The following PTH2R variants were observed in gnomAD, a reference collection of about 807,000 sequenced individuals.
PTH2R encodes parathyroid hormone 2 receptor, also known as PTH2 receptor.
A neutral mutation model predicts 60.3 loss-of-function variants in PTH2R; 59 were observed. The ratio of observed to expected loss-of-function variants is 0.98; its 90% CI spans 0.79 to 1.22. The LOEUF is 1.22. PTH2R is among the 50% of genes most tolerant of loss of function. PTH2R has a pLI of 0.00. For synonymous variants in PTH2R, 256 were observed against 243.8 expected (o/e 1.05, Z -0.47); for missense variants, 749 against 682.6 (o/e 1.10, Z -1.08).
Position 208,469,352 on chromosome 2 carries a change from C to T in PTH2R, c.981+9391C>T, listed in dbSNP as rs945568784. On this transcript the variant is annotated intron_variant, in intron 9 of 12. Coordinates refer to ENST00000272847, the MANE Select transcript of PTH2R (RefSeq NM_005048.4). The stretch of plus-strand genomic sequence containing the variant: ...TTTGAAATCCAAATTAGATCCCTTA[C>T]TTAATTCTGTCTTTGGCTATTATAA... Among the ~76,000 whole-genome samples the T allele has an allele frequency of 3.3e-5, 5 of 152,152 alleles. No individual in the cohort carries two copies. The East Asian group carries it at 9.6e-4, about 29-fold the overall frequency.
At chr2:208,366,478 T>C (rs1700595606) in intron 1 of PTH2R, among the ~76,000 whole-genome samples, 1 of 152,204 alleles carries the variant, frequency 6.6e-6, no homozygotes, top group Non-Finnish European at 1.5e-5. Context: ...AATACCCTTG[T>C]CTTGCTAGTA....
chr2:208,390,598 C>G (rs1350521809), intron 1 of PTH2R, among the ~76,000 whole-genome samples: 1 of 152,148 alleles, frequency 6.6e-6, no homozygotes, highest in Non-Finnish European at 1.5e-5. Flanking sequence ...TAGTAAAACA[C>G]TCATGTTTAT....
chr2:208,443,356 A>G lies in PTH2R; in HGVS notation c.518A>G (p.His173Arg). The G allele has an allele frequency of 1.3e-6, 2 of 1,563,818 alleles. No individual in the cohort carries two copies. Among genetic ancestry groups the G allele is most frequent in the Non-Finnish European group, 8.6e-7 (1 of 1,159,016 alleles). ...AATATTTCTCTCCGTAGACGATTGC[A>G]TTGCACTAGGAACTATATCCACATG... ...ILIIGYFRRL[H>R]CTRNYIHMHL... The change falls in exon 6 of 13, where the codon CAT (histidine) becomes CGT (arginine). Residue 173 changes from histidine to arginine, a missense_variant. Coordinates refer to ENST00000272847, the MANE Select transcript of PTH2R (RefSeq NM_005048.4).
At chr2:208,478,194 C>T (rs1703062064) in intron 9 of PTH2R, among the ~76,000 whole-genome samples, 1 of 152,154 alleles carries the variant, frequency 6.6e-6, no homozygotes. Flanking sequence ...TCTGCCACAT[C>T]CTCCAGATAG....
intron 10 of PTH2R, among the ~76,000 whole-genome samples, chr2:208,483,998 G>A (rs1427380610): frequency 1.3e-5 from 2 of 152,268 alleles, no homozygotes; most frequent in Admixed American, 6.5e-5. Flanking sequence ...ACGTTCCTAC[G>A]ATAAGGGTTA....
Position 208,406,903 on chromosome 2 carries a change from G to C in PTH2R, c.-141G>C, listed in dbSNP as rs1451362032. ...GGCGACAAGACCCCAAGCACCCTCG[G>C]CCGGTGGCCCGGGCCCGACCACCCC... On this transcript the variant is annotated 5_prime_UTR_variant, in exon 1 of 13. Coordinates refer to ENST00000272847, the MANE Select transcript of PTH2R (RefSeq NM_005048.4). 1.7e-6 allele frequency: 1 copy of C among 579,998 alleles called. No individual in the cohort carries two copies. Among genetic ancestry groups the C allele is most frequent in the Non-Finnish European group, 2.8e-6 (1 of 362,348 alleles). 35.9% of individuals were successfully genotyped at this position (579,998 alleles called of 1,614,324 possible). A position where few individuals can be genotyped will look rare whatever the true frequency, so the allele number is the denominator to read the frequency against.
chr2:208,408,125 G>T (rs556784644), intron 1 of PTH2R, among the ~76,000 whole-genome samples: 2 of 152,280 alleles, frequency 1.3e-5, no homozygotes, highest in South Asian at 4.1e-4. Context: ...TAGGTGCCAC[G>T]CTAAAAGTGG....
At chr2:208,490,890 A>C (rs887508444) in intron 12 of PTH2R, among the ~76,000 whole-genome samples, 1 of 152,240 alleles carries the variant, frequency 6.6e-6, no homozygotes, top group Non-Finnish European at 1.5e-5. Context: ...ATGTGAACTC[A>C]TCTGTACACT....
At chr2:208,437,988 C>A in intron 4 of PTH2R, 107 bp downstream of exon 4, 1 of 1,356,530 alleles carries the variant, frequency 7.4e-7, no homozygotes, top group Non-Finnish European at 1.0e-6. Flanking sequence ...TATTCCACGA[C>A]ACAAGGATCA....
intron 1 of PTH2R, among the ~76,000 whole-genome samples, chr2:208,394,906 G>T (rs989168650): frequency 6.6e-6 from 1 of 152,064 alleles, no homozygotes; most frequent in Non-Finnish European, 1.5e-5. Flanking sequence ...TGGCTTAAAG[G>T]AACGCAGGAA....
chr2:208,479,384 G>A (rs1397204665), intron 9 of PTH2R, among the ~76,000 whole-genome samples: 1 of 152,130 alleles, frequency 6.6e-6, no homozygotes, highest in Non-Finnish European at 1.5e-5. Context: ...AATCCAGCTG[G>A]TATTGCCCCA....
chr2:208,468,339 T>C (rs1446736211), intron 9 of PTH2R, among the ~76,000 whole-genome samples: 1 of 152,234 alleles, frequency 6.6e-6, no homozygotes, highest in Non-Finnish European at 1.5e-5. Context: ...TGTACATCAA[T>C]GTATCTAATC....
chr2:208,493,324 A>G lies in PTH2R; in HGVS notation c.1318A>G (p.Thr440Ala). The G allele has an allele frequency of 1.3e-6, 2 of 1,552,276 alleles. No individual in the cohort carries two copies. Among genetic ancestry groups the G allele is most frequent in the South Asian group, 1.2e-5 (1 of 81,614 alleles). ...GAACCTCTCCGTGGACTGGAAAAGG[A>G]CACCGCCATGTGGCAGCCGCAGATG... ...RWNLSVDWKR[T>A]PPCGSRRCGS... is the part of the protein sequence containing the mutation. The change falls in exon 13 of 13, where the codon ACA (threonine) becomes GCA (alanine). Residue 440 changes from threonine (T) to alanine (A), a missense_variant. Physicochemically the swap from Thr to Ala is moderately conservative, Grantham distance 58. Coordinates refer to ENST00000272847, the MANE Select transcript of PTH2R (RefSeq NM_005048.4).
chr2:208,377,882 T>G (rs1700834819), intron 1 of PTH2R, among the ~76,000 whole-genome samples: 1 of 146,444 alleles, frequency 6.8e-6, no homozygotes, highest in Admixed American at 6.8e-5. Flanking sequence ...GCTCCTCACT[T>G]CCCAGACTGG....
chr2:208,476,789 C>T (rs1054822304), intron 9 of PTH2R, among the ~76,000 whole-genome samples: 3 of 151,908 alleles, frequency 2.0e-5, no homozygotes, highest in Admixed American at 6.6e-5. Flanking sequence ...CTTATTGCTG[C>T]GGGAGGCTGG....
At chr2:208,437,164 T>C (rs534424216) in intron 2 of PTH2R, among the ~76,000 whole-genome samples, 7 of 152,352 alleles carry the variant, frequency 4.6e-5, no homozygotes, top group African/African-American at 1.7e-4. Flanking sequence ...AAAACAGTTT[T>C]CAAGAATCTA....
intron 2 of PTH2R, among the ~76,000 whole-genome samples, chr2:208,434,379 T>G (rs968351106): frequency 5.3e-5 from 8 of 152,156 alleles, no homozygotes; most frequent in African/African-American, 1.9e-4. Flanking sequence ...CATTTACTAT[T>G]CTCTTTGTCA....
At chr2:208,444,937 G>T (rs1452907344) in intron 7 of PTH2R, 50 bp downstream of exon 7, 1 of 1,556,716 alleles carries the variant, frequency 6.4e-7, no homozygotes, top group Non-Finnish European at 8.8e-7. Flanking sequence ...TGCATTTGAT[G>T]ACATTCTGTC....
chr2:208,381,459 C>A (rs369644996), intron 1 of PTH2R, among the ~76,000 whole-genome samples: 1 of 152,034 alleles, frequency 6.6e-6, no homozygotes, highest in Admixed American at 6.5e-5. Context: ...CCTGCTCTCT[C>A]GAACCCAGGC....
Sources: allele counts gnomAD v4.1 joint callset (sites outside exome capture counted in the v4.1 genomes callset), GRCh38; gene constraint gnomAD v4.1.1; transcripts MANE v1.5; gene names NCBI Gene and HGNC (gene_info 2026-07-23, HGNC 2026-07-21).